Variants in ABCC2 observed in about 807,000 individuals in gnomAD.
ABCC2 encodes ATP-binding cassette sub-family C member 2.
In ABCC2, 157 loss-of-function variants were observed where a neutral mutation model predicts 173.4. The ratio of observed to expected loss-of-function variants is 0.91; its 90% confidence interval spans 0.80 to 1.03. ABCC2 has a LOEUF of 1.03. ABCC2 is among the 50% of genes least tolerant of loss of function. The pLI is 0.00. For missense variants in ABCC2, 1,822 were observed against 1,852.3 expected (o/e 0.98, Z 0.30); for synonymous variants, 657 against 693.5 (o/e 0.95, Z 0.83).
chr10:99,813,287 T>G, intron 16 of ABCC2, 143 bp downstream of exon 16: 5 of 1,186,070 alleles, frequency 4.2e-6, no homozygotes, highest in Non-Finnish European at 6.0e-6. Flanking sequence ...TGATTCTCCT[T>G]CCCATTTCAG....
rs768730413 is a variant in ABCC2, at chr10:99,800,430, T to C, written c.1076T>C (p.Ile359Thr). 1 of 1,614,198 alleles carries C rather than the reference T, an allele frequency of 6.2e-7. No individual in the cohort carries two copies. The highest frequency in any genetic ancestry group is 1.1e-5 in the South Asian group (1 of 91,084). ...FASDRDTYLW[I>T]GYLCAILLFT... is the part of the protein sequence containing the mutation. ...AGTGACCGTGACACATATTTGTGGA[T>C]TGGATATCTCTGTGCAATCCTCTTA... Residue 359 changes from isoleucine to threonine, a missense_variant, in exon 9 of 32, where the codon ATT becomes ACT. Coordinates refer to ENST00000647814, the MANE Select transcript of ABCC2 (RefSeq NM_000392.5).
rs1373036037 is a variant in ABCC2 at position 99,793,580 on chromosome 10, A to G, written c.363A>G (p.Arg121=). 2 of 1,614,022 alleles carry G rather than the reference A, an allele frequency of 1.2e-6. No individual in the cohort carries two copies. Among genetic ancestry groups the G allele is most frequent in the African/African-American group, 2.7e-5 (2 of 74,916 alleles). The change falls in exon 4 of 32, where the codon AGA becomes AGG. Residue 121 remains arginine, a synonymous_variant. Transcript: ENST00000647814. ...TGGTTTTGCTGATCCAATACAGCAGACAATGGTGTGTACAGAAAAACTCCT... is the reference window on the plus strand; with the variant it reads ...TGGTTTTGCTGATCCAATACAGCAGGCAATGGTGTGTACAGAAAAACTCCT... ...WLLVLLIQYS[R]QWCVQKNSWF...
chr10:99,830,311 T>C lies in ABCC2; in HGVS notation c.2625T>C (p.His875=), dbSNP rs2038715323. The change falls in exon 20 of 32, where the codon CAT becomes CAC. Residue 875 remains histidine (H), a synonymous_variant. Coordinates refer to ENST00000647814, the MANE Select transcript of ABCC2 (RefSeq NM_000392.5). ...ACCTCTACTGTGTCTCCCTAGTCCA[T>C]GATGGCAGTGAAGAAGAAGACGATG... ...HTGPEEEATV[H]DGSEEEDDDY... 1.2e-6 allele frequency: 2 copies of C among 1,614,160 alleles called. No homozygotes were observed. The highest frequency in any genetic ancestry group is 2.2e-5 in the East Asian group (1 of 44,892).
intron 19 of ABCC2, among the ~76,000 whole-genome samples, chr10:99,825,835 C>T (rs11498759): frequency 0.65 from 99,211 of 151,972 alleles, 32,649 homozygotes; most frequent in East Asian, 0.78. Flanking sequence ...CACTGCCGCT[C>T]GTGGCGGGGG....
At chr10:99,817,576 GTTGA>G in intron 17 of ABCC2, 92 bp downstream of exon 17, 1 of 1,389,398 alleles carries the variant, frequency 7.2e-7, no homozygotes, top group Non-Finnish European at 1.0e-6. Flanking sequence ...GGGTAATCTA[GTTGA>G]TTAATTTAGG....
At chr10:99,790,813 G>T (rs1303940879) in intron 2 of ABCC2, among the ~76,000 whole-genome samples, 1 of 152,070 alleles carries the variant, frequency 6.6e-6, no homozygotes, top group Non-Finnish European at 1.5e-5. Context: ...TAAAGTAAAG[G>T]TGCATTCATC....
intron 16 of ABCC2, among the ~76,000 whole-genome samples, chr10:99,814,199 ATATATACACACATG>A (rs2038286871): frequency 8.2e-5 from 5 of 61,240 alleles, no homozygotes; most frequent in South Asian, 6.1e-4. Flanking sequence ...ACACATGTGT[ATATATACACACATG>A]TGTATATATA....
At chr10:99,814,367 GTA>G (rs1226257780) in intron 16 of ABCC2, among the ~76,000 whole-genome samples, 3 of 82,742 alleles carry the variant, frequency 3.6e-5, no homozygotes, top group East Asian at 6.0e-4. Context: ...ATACACACAT[GTA>G]TATATACACA....
intron 2 of ABCC2, among the ~76,000 whole-genome samples, chr10:99,787,147 C>A (rs1590136157): frequency 1.5e-5 from 2 of 134,546 alleles, no homozygotes; most frequent in African/African-American, 5.6e-5. Flanking sequence ...CAGCTTCAGA[C>A]TCTGTCTCAA....
chr10:99,783,540 A>C (rs1369086654), intron 1 of ABCC2, among the ~76,000 whole-genome samples: 1 of 152,194 alleles, frequency 6.6e-6, no homozygotes, highest in African/African-American at 2.4e-5. Context: ...AGATTTAGTG[A>C]TTTTAGTAAG....
Position 99,793,938 on chromosome 10 carries a change from A to G in ABCC2, c.515A>G (p.Tyr172Cys). 1 of 1,613,982 alleles carries G rather than the reference A, an allele frequency of 6.2e-7. No individual in the cohort carries two copies. Among genetic ancestry groups the G allele is most frequent in the Non-Finnish European group, 8.5e-7 (1 of 1,179,936 alleles). ...LAYSCLFFIS[Y>C]GFQILILIFS... ...TACTCCTGCCTGTTCTTCATCTCCT[A>G]CGGATTCCAGATCCTGATCCTGATC... Residue 172 changes from tyrosine to cysteine, a missense_variant, in exon 5 of 32, where the codon TAC (tyrosine) becomes TGC (cysteine). Coordinates refer to ENST00000647814, the MANE Select transcript of ABCC2 (RefSeq NM_000392.5).
chr10:99,821,702 G>T (rs1331452634), intron 19 of ABCC2, among the ~76,000 whole-genome samples: 1 of 152,160 alleles, frequency 6.6e-6, no homozygotes, highest in East Asian at 1.9e-4. Context: ...TAAGGCAGAA[G>T]AATTTTTCTT....
chr10:99,807,213 A>G lies in ABCC2; in HGVS notation c.1531-171A>G, dbSNP rs961551268. Among the ~76,000 whole-genome samples the G allele has an allele frequency of 6.6e-5, 10 of 152,360 alleles. No individual in the cohort carries two copies. The East Asian group carries it at 1.3e-3, about 21-fold the overall frequency. On this transcript the variant is annotated intron_variant, in intron 11 of 31. Coordinates refer to ENST00000647814, the MANE Select transcript of ABCC2 (RefSeq NM_000392.5). ...AGATAATGTATTTAAAATGCTTTGT[A>G]CATAGTAGGTTGTCAACAAATACAA...
At chr10:99,827,499 T>C (rs1212351000) in intron 19 of ABCC2, among the ~76,000 whole-genome samples, 1 of 152,136 alleles carries the variant, frequency 6.6e-6, no homozygotes, top group Non-Finnish European at 1.5e-5. Context: ...TCTAGGGGCG[T>C]CAGGAACTGA....
Position 99,830,848 on chromosome 10 carries a change from A to G in ABCC2, c.2880A>G (p.Gly960=). 1.9e-6 allele frequency: 3 copies of G among 1,613,866 alleles called. No homozygotes were observed. Among genetic ancestry groups the G allele is most frequent in the South Asian group, 2.2e-5 (2 of 91,066 alleles). Residue 960 remains glycine (G), a synonymous_variant, in exon 21 of 32, where the codon GGA becomes GGG. Transcript: ENST00000647814. The part of the protein sequence containing the change: ...KLIKKEFIET[G]KVKFSIYLEY... ...TTAAGAAGGAATTCATAGAAACTGG[A>G]AAGGTGAACACCACACAGAAAAGTA...
intron 25 of ABCC2, among the ~76,000 whole-genome samples, chr10:99,841,123 C>G (rs1590190078): frequency 6.6e-6 from 1 of 152,196 alleles, no homozygotes; most frequent in Non-Finnish European, 1.5e-5. Flanking sequence ...TCTTCTTCCC[C>G]TTTTACAAAT....
At chr10:99,787,906 TA>T (rs1474061172) in intron 2 of ABCC2, among the ~76,000 whole-genome samples, 1 of 151,146 alleles carries the variant, frequency 6.6e-6, no homozygotes, top group Non-Finnish European at 1.5e-5. Flanking sequence ...TACAAAAAAT[TA>T]AAAAAATTCA....
At chr10:99,836,318 T>A (rs778492901) in intron 25 of ABCC2, 28 bp downstream of exon 25, 2 of 1,609,920 alleles carry the variant, frequency 1.2e-6, no homozygotes, top group Non-Finnish European at 1.7e-6. Context: ...TATTTACCCA[T>A]GTGTGTACTT....
chr10:99,841,409 G>A (rs1217970012), intron 25 of ABCC2, among the ~76,000 whole-genome samples: 2 of 152,080 alleles, frequency 1.3e-5, no homozygotes, highest in Non-Finnish European at 2.9e-5. Context: ...AAAAAAATTA[G>A]CTGGGTGTAG....
Sources: allele counts gnomAD v4.1 joint callset (sites outside exome capture counted in the v4.1 genomes callset), GRCh38; gene constraint gnomAD v4.1.1; transcripts MANE v1.5; gene names NCBI Gene and HGNC (gene_info 2026-07-23, HGNC 2026-07-21).